Variants in UBE2E2 observed in about 807,000 individuals in gnomAD.
UBE2E2 encodes ubiquitin-conjugating enzyme E2 E2.
UBE2E2 carries 6 observed loss-of-function variants against 24.7 expected under a neutral mutation model. The observed-to-expected ratio is 0.24, with a 90% CI of 0.13 to 0.48. The LOEUF (loss-of-function observed/expected upper bound fraction) is 0.48. Ranked by LOEUF, UBE2E2 falls within the 20% of genes least tolerant of loss-of-function variation. UBE2E2 has a pLI of 0.99. For missense variants in UBE2E2, 169 were observed against 245.0 expected (o/e 0.69, Z 2.07); for synonymous variants, 104 against 83.6 (o/e 1.24, Z -1.33).
In UBE2E2 at chr3:23,328,970, C is replaced by G. The variant is rs1398774265; in HGVS notation, c.227+111658C>G. On this transcript the variant is annotated intron_variant, in intron 3 of 5. Transcript: ENST00000396703. ...AGCCATCGTGCCCGGCCTAAAATGC[C>G]TTAATCTCGATAGGCTTTTTGCACA... 3.3e-5 allele frequency among the ~76,000 whole-genome samples: 5 copies of G among 152,286 alleles called. No individual in the cohort carries two copies. In the East Asian group the frequency reaches 9.7e-4, roughly 29 times the overall value.
At chr3:23,569,984 A>G (rs143117261) in intron 5 of UBE2E2, among the ~76,000 whole-genome samples, 9 of 152,232 alleles carry the variant, frequency 5.9e-5, no homozygotes, top group East Asian at 1.9e-4. Flanking sequence ...TTGCTTTTCT[A>G]TCCCTTAACA....
chr3:23,363,651 G>C lies in UBE2E2; in HGVS notation c.228-135957G>C, dbSNP rs147531093. On this transcript the variant is annotated intron_variant, in intron 3 of 5. Transcript: ENST00000396703. ...CTGGAGCACCCAGACTCATAAACAA[G>C]TTCTTACAGACCTATGAAGAGACTT... Among the ~76,000 whole-genome samples the C allele has an allele frequency of 6.9e-4, 105 of 152,276 alleles. 1 individual carries two copies. The East Asian group carries it at 0.015, about 22-fold the overall frequency.
At chr3:23,462,012 T>A (rs1224725635) in intron 3 of UBE2E2, among the ~76,000 whole-genome samples, 1 of 152,202 alleles carries the variant, frequency 6.6e-6, no homozygotes, top group Non-Finnish European at 1.5e-5. Flanking sequence ...CTAAAGTGAT[T>A]TGTCATAAAT....
rs560210086 is a variant in UBE2E2 at position 23,284,377 on chromosome 3, T to C, written c.227+67065T>C. On this transcript the variant is annotated intron_variant, in intron 3 of 5. Coordinates refer to ENST00000396703, the MANE Select transcript of UBE2E2 (RefSeq NM_152653.4). ...TCATAAAATATTTGGACAGTTATCA[T>C]GAGAGTTTGCTAAAATAACGTAAGG... is the stretch of plus-strand genomic sequence containing the variant. 6.4e-4 allele frequency among the ~76,000 whole-genome samples: 97 copies of C among 152,256 alleles called. 1 individual carries two copies. The highest frequency in any genetic ancestry group is 2.2e-3 in the African/African-American group (93 of 41,564).
intron 3 of UBE2E2, among the ~76,000 whole-genome samples, chr3:23,339,560 A>G (rs1215034176): frequency 2.6e-5 from 4 of 152,150 alleles, no homozygotes; most frequent in Admixed American, 6.5e-5. Flanking sequence ...GAATTAAAAA[A>G]TTACAAAAAC....
chr3:23,271,406 C>T (rs963571778), intron 3 of UBE2E2, among the ~76,000 whole-genome samples: 13 of 152,290 alleles, frequency 8.5e-5, no homozygotes, highest in Middle Eastern at 3.4e-3. Flanking sequence ...GAATGAGCAG[C>T]AGCAAGATTT....
rs555806928 is a variant in UBE2E2, at chr3:23,295,650, A to G, written c.227+78338A>G. ...ATCGGTGGCTAGTGGAAGTTTGGGA[A>G]TACCTACACGAGAGGGAGTTTGGAG... On this transcript the variant is annotated intron_variant, in intron 3 of 5. Transcript: ENST00000396703. Among the ~76,000 whole-genome samples, 10 of 152,268 alleles carry G rather than the reference A, an allele frequency of 6.6e-5. 1 individual carries two copies. The South Asian group carries it at 2.1e-3, about 32-fold the overall frequency.
At chr3:23,410,870 G>C (rs914664238) in intron 3 of UBE2E2, among the ~76,000 whole-genome samples, 6 of 152,060 alleles carry the variant, frequency 3.9e-5, no homozygotes, top group Non-Finnish European at 7.4e-5. Flanking sequence ...AATGGGCATG[G>C]GAGAAGATGA....
At chr3:23,409,332 CAA>C (rs1697445698) in intron 3 of UBE2E2, among the ~76,000 whole-genome samples, 1 of 152,104 alleles carries the variant, frequency 6.6e-6, no homozygotes, top group Non-Finnish European at 1.5e-5. Context: ...AATGCCAAAC[CAA>C]AGTCAGCGTA....
chr3:23,319,448 A>G lies in UBE2E2; in HGVS notation c.227+102136A>G, dbSNP rs183423270. On this transcript the variant is annotated intron_variant, in intron 3 of 5. Coordinates refer to ENST00000396703, the MANE Select transcript of UBE2E2 (RefSeq NM_152653.4). Reference sequence around the variant, plus strand: ...ATGTTTTGTTTTCATTTTATAGTTTATATAGTGTTGATTGTGTGCCAGATA... The same window carrying G: ...ATGTTTTGTTTTCATTTTATAGTTTGTATAGTGTTGATTGTGTGCCAGATA... Among the ~76,000 whole-genome samples the G allele has an allele frequency of 1.6e-3, 239 of 152,212 alleles. 2 individuals are homozygous for G. Among genetic ancestry groups the G allele is most frequent in the African/African-American group, 5.5e-3 (230 of 41,500 alleles).
chr3:23,266,244 A>G (rs1050216464), intron 3 of UBE2E2, among the ~76,000 whole-genome samples: 1 of 152,072 alleles, frequency 6.6e-6, no homozygotes, highest in African/African-American at 2.4e-5. Flanking sequence ...CCTAGCCTCG[A>G]TGGTCTTTAC....
intron 4 of UBE2E2, among the ~76,000 whole-genome samples, chr3:23,516,330 A>C (rs1170552895): frequency 6.6e-6 from 1 of 152,116 alleles, no homozygotes. Context: ...TTGTGAGATT[A>C]CTTCAGTGAA....
At chr3:23,359,505 A>G (rs780901294) in intron 3 of UBE2E2, among the ~76,000 whole-genome samples, 1 of 152,186 alleles carries the variant, frequency 6.6e-6, no homozygotes, top group Non-Finnish European at 1.5e-5. Flanking sequence ...TAACTTTTTC[A>G]TAATCTCTAT....
chr3:23,357,240 T>C (rs1292998020), intron 3 of UBE2E2, among the ~76,000 whole-genome samples: 3 of 152,178 alleles, frequency 2.0e-5, no homozygotes, highest in Non-Finnish European at 4.4e-5. Flanking sequence ...TGTAAGGTTT[T>C]TGTGGTGATT....
chr3:23,557,859 C>T (rs1004497912), intron 5 of UBE2E2, among the ~76,000 whole-genome samples: 1 of 152,142 alleles, frequency 6.6e-6, no homozygotes, highest in African/African-American at 2.4e-5. Context: ...TCCTCTTGTC[C>T]ACAAACCAGG....
chr3:23,569,995 A>G (rs1696185257), intron 5 of UBE2E2, among the ~76,000 whole-genome samples: 1 of 152,292 alleles, frequency 6.6e-6, no homozygotes, highest in South Asian at 2.1e-4. Flanking sequence ...TCCCTTAACA[A>G]TATCTAGCAG....
intron 3 of UBE2E2, among the ~76,000 whole-genome samples, chr3:23,462,326 A>G (rs1257891904): frequency 6.6e-6 from 1 of 152,184 alleles, no homozygotes; most frequent in Non-Finnish European, 1.5e-5. Flanking sequence ...AAGACAATTG[A>G]GGAGTTTTGA....
chr3:23,291,293 T>G (rs17012959), intron 3 of UBE2E2, among the ~76,000 whole-genome samples: 4,366 of 152,254 alleles, frequency 0.029, 107 homozygotes, highest in East Asian at 0.13. Context: ...TGATCCTACC[T>G]TTGTTTAACA....
At chr3:23,243,366 T>C (rs538863456) in intron 3 of UBE2E2, among the ~76,000 whole-genome samples, 1 of 152,306 alleles carries the variant, frequency 6.6e-6, no homozygotes, top group Non-Finnish European at 1.5e-5. Context: ...TGGCAGAGAA[T>C]AGCATTTTGT....
Sources: allele counts gnomAD v4.1 joint callset (sites outside exome capture counted in the v4.1 genomes callset), GRCh38; gene constraint gnomAD v4.1.1; transcripts MANE v1.5; gene names NCBI Gene and HGNC (gene_info 2026-07-23, HGNC 2026-07-21).